SLC17A8: variants seen among roughly 807,000 people sequenced by gnomAD.
SLC17A8 encodes solute carrier family 17 member 8.
Under a neutral mutation model 58.0 loss-of-function variants are expected in SLC17A8, and 31 were observed. The ratio of observed to expected loss-of-function variants is 0.53; its 90% confidence interval spans 0.40 to 0.72. The LOEUF (loss-of-function observed/expected upper bound fraction) is 0.72, where lower values mean the gene tolerates loss of function less well. SLC17A8 is among the 30% of genes least tolerant of loss of function. SLC17A8 has a pLI of 0.00. For synonymous variants in SLC17A8, 228 were observed against 249.0 expected, an observed-to-expected ratio of 0.92 and a Z score of 0.79; for missense variants, 655 against 727.8, an observed-to-expected ratio of 0.90 and a Z score of 1.15.
intron 2 of SLC17A8, 59 bp downstream of exon 2, chr12:100,381,012 C>A: frequency 1.2e-6 from 2 of 1,603,152 alleles, no homozygotes; most frequent in South Asian, 2.2e-5. Flanking sequence ...CGCTCGGTCT[C>A]CCAGGCTAGA....
At chr12:100,409,039 A>C (rs544860324) in intron 9 of SLC17A8, among the ~76,000 whole-genome samples, 2 of 152,312 alleles carry the variant, frequency 1.3e-5, no homozygotes, top group South Asian at 4.1e-4. Context: ...CAAAAAGGTA[A>C]ATATTAATAA....
Position 100,391,025 on chromosome 12 carries a change from G to C in SLC17A8, c.379G>C (p.Glu127Gln). The change falls in exon 3 of 12, where the codon GAA becomes CAA. Residue 127 changes from glutamate to glutamine, a missense_variant. Transcript: ENST00000323346. Reference sequence around the variant, plus strand: ...GACAGCACAGTTTAACTGGGATCCAGAAACAGTGGGCCTTATCCATGGATC... The same window carrying C: ...GACAGCACAGTTTAACTGGGATCCACAAACAGTGGGCCTTATCCATGGATC... ...IQTAQFNWDP[E>Q]TVGLIHGSFF... is the part of the protein sequence containing the mutation. The C allele has an allele frequency of 6.2e-7, 1 of 1,613,108 alleles. No individual in the cohort carries two copies.
chr12:100,394,142 G>T (rs1361074221), intron 4 of SLC17A8, among the ~76,000 whole-genome samples: 1 of 151,804 alleles, frequency 6.6e-6, no homozygotes, highest in Non-Finnish European at 1.5e-5. Context: ...TTCTTAGCTT[G>T]TGGGCTATAC....
At chr12:100,399,593 G>C (rs1472252639) in intron 5 of SLC17A8, among the ~76,000 whole-genome samples, 1 of 152,086 alleles carries the variant, frequency 6.6e-6, no homozygotes, top group Admixed American at 6.6e-5. Flanking sequence ...GCAGAAGAGA[G>C]AGAGAGAGAG....
At chr12:100,358,512 A>G (rs1171985088) in intron 1 of SLC17A8, among the ~76,000 whole-genome samples, 1 of 152,162 alleles carries the variant, frequency 6.6e-6, no homozygotes, top group African/African-American at 2.4e-5. Context: ...CCATGGTATC[A>G]CTGTTAATAT....
At chr12:100,408,510 C>T (rs1018652515) in intron 9 of SLC17A8, among the ~76,000 whole-genome samples, 1 of 152,142 alleles carries the variant, frequency 6.6e-6, no homozygotes, top group African/African-American at 2.4e-5. Flanking sequence ...TTAAGGATCT[C>T]CTGATTACCC....
Position 100,396,414 on chromosome 12 carries a change from T to C in SLC17A8, c.673T>C (p.Cys225Arg). Residue 225 changes from cysteine to arginine, a missense_variant, in exon 5 of 12, where the codon TGT (cysteine) becomes CGT (arginine). By Grantham distance (180) the Cys-to-Arg change is radical. Coordinates refer to ENST00000323346, the MANE Select transcript of SLC17A8 (RefSeq NM_139319.3). ...AAGCCGACTGGCCACAACCTCTTTT[T>C]GTGGTGGGTATATTAGAATCGTAAC... The part of the protein sequence containing the change: ...ERSRLATTSF[C>R]GSYAGAVVAM... 6.2e-7 allele frequency: 1 copy of C among 1,613,480 alleles called. No homozygotes were observed. Among genetic ancestry groups the C allele is most frequent in the Non-Finnish European group, 8.5e-7 (1 of 1,179,502 alleles).
intron 10 of SLC17A8, among the ~76,000 whole-genome samples, chr12:100,413,337 C>T (rs1952883861): frequency 6.6e-6 from 1 of 152,188 alleles, no homozygotes; most frequent in East Asian, 1.9e-4. Flanking sequence ...TTGTCTACTC[C>T]ATTGCTTTCA....
chr12:100,383,144 G>T (rs1458297725), intron 2 of SLC17A8, among the ~76,000 whole-genome samples: 2 of 152,192 alleles, frequency 1.3e-5, no homozygotes, highest in South Asian at 2.1e-4. Context: ...ATTAAAACTT[G>T]TCTGCTGAGG....
At position 100,420,125 on chromosome 12, in the gene SLC17A8, A is replaced by T. The variant is rs768565972; in HGVS notation, c.1736A>T (p.Gln579Leu). ...TLDEEELTSY[Q>L]NEERNFSTIS ...GATGAGGAAGAGCTGACATCCTACC[A>T]GAATGAAGAGAGAAACTTCTCAACT... Residue 579 changes from glutamine to leucine, a missense_variant, in exon 12 of 12, where the codon CAG becomes CTG. Coordinates refer to ENST00000323346, the MANE Select transcript of SLC17A8 (RefSeq NM_139319.3). 1.2e-6 allele frequency: 2 copies of T among 1,613,828 alleles called. No individual in the cohort carries two copies. Among genetic ancestry groups the T allele is most frequent in the Admixed American group, 1.7e-5 (1 of 60,024 alleles).
In SLC17A8 at chr12:100,420,869, G is replaced by C. The variant is rs995434597; in HGVS notation, c.*710G>C. The C allele has an allele frequency of 6.6e-6, 1 of 152,414 alleles. No individual in the cohort carries two copies. Among genetic ancestry groups the C allele is most frequent in the Admixed American group, 6.5e-5 (1 of 15,312 alleles). The allele number at this position is 152,414 out of a possible 1,614,324, so 9.4% of individuals were successfully genotyped here. A position where few individuals can be genotyped will look rare whatever the true frequency, so the allele number is the denominator to read the frequency against. The stretch of plus-strand genomic sequence containing the variant: ...AGGTGTTGGGGAAGGGAAACATTTG[G>C]GTTGATGAGGCAGAGGGGATTCAAA... On this transcript the variant is annotated 3_prime_UTR_variant, in exon 12 of 12. Coordinates refer to ENST00000323346, the MANE Select transcript of SLC17A8 (RefSeq NM_139319.3).
intron 1 of SLC17A8, among the ~76,000 whole-genome samples, chr12:100,380,484 G>A (rs1952627266): frequency 6.6e-6 from 1 of 151,322 alleles, no homozygotes; most frequent in South Asian, 2.1e-4. Flanking sequence ...CAGAACATCA[G>A]TAGTTTTAGC....
intron 2 of SLC17A8, among the ~76,000 whole-genome samples, chr12:100,385,344 C>G (rs1952667158): frequency 6.8e-6 from 1 of 146,048 alleles, no homozygotes; most frequent in Admixed American, 7.2e-5. Flanking sequence ...TCAAGCGATT[C>G]TACTCCTTAG....
chr12:100,395,219 C>CA, intron 4 of SLC17A8, among the ~76,000 whole-genome samples: 1 of 152,114 alleles, frequency 6.6e-6, no homozygotes, highest in Non-Finnish European at 1.5e-5. Flanking sequence ...TGAATTTCAG[C>CA]ATCTGTACTG....
chr12:100,384,459 C>G (rs1347890835), intron 2 of SLC17A8, among the ~76,000 whole-genome samples: 1 of 152,092 alleles, frequency 6.6e-6, no homozygotes, highest in Non-Finnish European at 1.5e-5. Flanking sequence ...AAAATTTGGC[C>G]AGACATGGTG....
intron 11 of SLC17A8, among the ~76,000 whole-genome samples, chr12:100,418,991 C>G (rs1002928235): frequency 3.3e-5 from 5 of 152,182 alleles, no homozygotes; most frequent in African/African-American, 1.2e-4. Flanking sequence ...TTCCCCCAAC[C>G]TTAGACACAA....
chr12:100,404,510 A>C (rs1952813136), intron 9 of SLC17A8: 1 of 214,428 alleles, frequency 4.7e-6, no homozygotes, highest in African/African-American at 2.2e-5. Context: ...ATGCACACAC[A>C]CACACACACA....
At position 100,362,621 on chromosome 12, in the gene SLC17A8, G is replaced by C. The variant is rs972719837; in HGVS notation, c.101+5129G>C. On this transcript the variant is annotated intron_variant, in intron 1 of 11. Transcript: ENST00000323346. Reference sequence around the variant, plus strand: ...TGCTTGCCCATCAAGGGGAACTGGGGAGTGTGCTATGGTGTCTATGACAGC... The same window carrying C: ...TGCTTGCCCATCAAGGGGAACTGGGCAGTGTGCTATGGTGTCTATGACAGC... Among the ~76,000 whole-genome samples the C allele has an allele frequency of 3.3e-5, 5 of 152,118 alleles. No homozygotes were observed. In the East Asian group the frequency reaches 9.6e-4, roughly 29 times the overall value.
chr12:100,384,069 A>T (rs1329265414), intron 2 of SLC17A8, among the ~76,000 whole-genome samples: 1 of 152,166 alleles, frequency 6.6e-6, no homozygotes, highest in Non-Finnish European at 1.5e-5. Context: ...GGCATATAGT[A>T]AGAAAATAAA....
Sources: gnomAD v4.1 joint callset for allele counts (sites outside exome capture counted in the v4.1 genomes callset) on GRCh38, gnomAD v4.1.1 for gene constraint, MANE v1.5 for transcripts, NCBI Gene and HGNC (gene_info 2026-07-23, HGNC 2026-07-21) for gene names.